PAK5: variants seen among roughly 807,000 people sequenced by gnomAD.
PAK5 encodes p21 (RAC1) activated kinase 5.
PAK5 carries 16 observed loss-of-function variants against 65.9 expected under a neutral mutation model. That is an observed-to-expected ratio of 0.24 (90% CI 0.16 to 0.37). The LOEUF (loss-of-function observed/expected upper bound fraction) is 0.37, where lower values mean the gene tolerates loss of function less well. Ranked by LOEUF, PAK5 falls within the 10% of genes least tolerant of loss-of-function variation. The pLI, the probability that PAK5 is intolerant of heterozygous loss-of-function variation, is 1.00. For synonymous variants in PAK5, 371 were observed against 354.9 expected, an observed-to-expected ratio of 1.05 and a Z score of -0.51; for missense variants, 785 against 903.9, an observed-to-expected ratio of 0.87 and a Z score of 1.69.
intron 7 of PAK5, among the ~76,000 whole-genome samples, chr20:9,545,883 A>C (rs1467499890): frequency 6.6e-6 from 1 of 151,740 alleles, no homozygotes; most frequent in Non-Finnish European, 1.5e-5. Flanking sequence ...ATCATCCTTG[A>C]CTCTTGTCTC....
chr20:9,734,551 T>C (rs866215512), intron 1 of PAK5, among the ~76,000 whole-genome samples: 8 of 58,294 alleles, frequency 1.4e-4, no homozygotes, highest in South Asian at 2.3e-3. Flanking sequence ...CACGCGCACA[T>C]GCACACACAC....
chr20:9,767,307 A>C (rs2048779674), intron 1 of PAK5, among the ~76,000 whole-genome samples: 1 of 152,230 alleles, frequency 6.6e-6, no homozygotes, highest in Admixed American at 6.5e-5. Flanking sequence ...ATCCTGGATC[A>C]AATAATCAAT....
At chr20:9,649,040 C>G (rs2123291600) in intron 2 of PAK5, among the ~76,000 whole-genome samples, 2 of 152,340 alleles carry the variant, frequency 1.3e-5, no homozygotes, top group African/African-American at 4.8e-5. Context: ...AGACCTAATT[C>G]ATGACAGCTG....
At chr20:9,778,495 C>G (rs2048908818) in intron 1 of PAK5, among the ~76,000 whole-genome samples, 1 of 152,192 alleles carries the variant, frequency 6.6e-6, no homozygotes, top group Non-Finnish European at 1.5e-5. Flanking sequence ...ACATTGGCCT[C>G]CCAAAGGACT....
At chr20:9,562,013 G>A (rs1018684360) in intron 6 of PAK5, among the ~76,000 whole-genome samples, 1 of 152,122 alleles carries the variant, frequency 6.6e-6, no homozygotes. Flanking sequence ...AAATTGAAGA[G>A]GCACTGTCCT....
intron 2 of PAK5, among the ~76,000 whole-genome samples, chr20:9,686,034 T>G (rs1387803067): frequency 6.6e-6 from 1 of 152,206 alleles, no homozygotes; most frequent in Non-Finnish European, 1.5e-5. Flanking sequence ...TTAAATAATT[T>G]TCTTAATGGG....
At chr20:9,625,761 C>T (rs551472544) in intron 3 of PAK5, among the ~76,000 whole-genome samples, 23 of 152,272 alleles carry the variant, frequency 1.5e-4, no homozygotes, top group African/African-American at 5.3e-4. Context: ...CATTCCTTCC[C>T]TGTGTTCTCC....
intron 1 of PAK5, among the ~76,000 whole-genome samples, chr20:9,716,932 A>G (rs576185189): frequency 6.6e-6 from 1 of 152,138 alleles, no homozygotes; most frequent in East Asian, 1.9e-4. Context: ...GAAAAATACA[A>G]AAATGAGCTG....
chr20:9,746,030 AT>A (rs2048503969), intron 1 of PAK5, among the ~76,000 whole-genome samples: 1 of 152,188 alleles, frequency 6.6e-6, no homozygotes, highest in South Asian at 2.1e-4. Context: ...AGAAAACCCA[AT>A]GTTAATAAAA....
rs547331378 is a variant in PAK5, at chr20:9,734,523, A to G, written c.-161-23088T>C. The stretch of plus-strand genomic sequence containing the variant: ...AGATACAAGAAGAAAGCAAGAGAGA[A>G]AAAGACTGATAGACACACACGCGCA... On this transcript the variant is annotated intron_variant, in intron 1 of 9. Coordinates refer to ENST00000353224, the MANE Select transcript of PAK5 (RefSeq NM_177990.4). 8.8e-4 allele frequency among the ~76,000 whole-genome samples: 133 copies of G among 150,996 alleles called. 1 individual carries two copies. The highest frequency in any genetic ancestry group is 2.9e-3 in the African/African-American group (119 of 41,130).
chr20:9,662,769 C>T (rs2047363578), intron 2 of PAK5, among the ~76,000 whole-genome samples: 1 of 152,102 alleles, frequency 6.6e-6, no homozygotes, highest in African/African-American at 2.4e-5. Context: ...CTCTAATATA[C>T]TTATCATTTT....
rs771036035 is a variant in PAK5 at position 9,542,691 on chromosome 20, C to A, written c.1899G>T (p.Val633=). Residue 633 remains valine (V), a synonymous_variant, in exon 9 of 10, where the codon GTG becomes GTT. Coordinates refer to ENST00000353224, the MANE Select transcript of PAK5 (RefSeq NM_177990.4). The part of the protein sequence containing the change: ...EVDIWSLGIM[V]IEMIDGEPPY... ...GGGGCTCGCCATCAATCATTTCTAT[C>A]ACCATGATCCCGAGGGACCAGATGT... is the stretch of plus-strand genomic sequence containing the variant. The A allele has an allele frequency of 6.2e-6, 10 of 1,614,014 alleles. No individual in the cohort carries two copies.
intron 3 of PAK5, among the ~76,000 whole-genome samples, chr20:9,597,158 C>G (rs2046284267): frequency 1.3e-5 from 2 of 152,210 alleles, no homozygotes; most frequent in Admixed American, 6.5e-5. Flanking sequence ...GAAGCCTTCA[C>G]CAAATCACTT....
chr20:9,665,083 C>CTATTTTTTTTT (rs1555910631), intron 2 of PAK5, among the ~76,000 whole-genome samples: 1 of 42,594 alleles, frequency 2.3e-5, no homozygotes, highest in Admixed American at 2.6e-4. Flanking sequence ...CTAAATTTTT[C>CTATTTTTTTTT]TGTTTTTTTT....
At chr20:9,590,744 A>G (rs931283426) in intron 3 of PAK5, among the ~76,000 whole-genome samples, 8 of 152,230 alleles carry the variant, frequency 5.3e-5, no homozygotes, top group Non-Finnish European at 8.8e-5. Flanking sequence ...AGAGGAGGAC[A>G]TGAAACACAG....
chr20:9,786,498 AG>A (rs1389128627), intron 1 of PAK5, among the ~76,000 whole-genome samples: 1 of 152,124 alleles, frequency 6.6e-6, no homozygotes, highest in African/African-American at 2.4e-5. Flanking sequence ...CACTCTTTTA[AG>A]AAAAAATTTA....
At chr20:9,651,169 C>T (rs1007394406) in intron 2 of PAK5, among the ~76,000 whole-genome samples, 2 of 152,172 alleles carry the variant, frequency 1.3e-5, no homozygotes, top group Non-Finnish European at 2.9e-5. Flanking sequence ...TCTTGGGCAA[C>T]TGGCTTTGCC....
intron 2 of PAK5, 78 bp from the exon 3 acceptor site, chr20:9,644,417 A>T (rs187450769): frequency 1.6e-4 from 138 of 868,840 alleles, no homozygotes; most frequent in Admixed American, 3.6e-4. Flanking sequence ...TTGTTAATTC[A>T]CTCAGGGCAA....
chr20:9,539,613 G>A lies in PAK5; in HGVS notation c.2009C>T (p.Ser670Phe). The change falls in exon 10 of 10, where the codon TCT becomes TTT. Residue 670 changes from serine to phenylalanine, a missense_variant. Around this residue, in one of 4 missense-constraint regions of PAK5, gnomAD observed 110 missense variants for 107.4 expected, o/e 1.02. Transcript: ENST00000353224. Reference sequence around the variant, plus strand: ...GTCTAGGAATCCCCGGAGCACTGAAGAAACCTGTGAAAACACACAGATACC... The same window carrying A: ...GTCTAGGAATCCCCGGAGCACTGAAAAAACCTGTGAAAACACACAGATACC... ...PPRVKDLHKV[S>F]SVLRGFLDLM... The A allele has an allele frequency of 6.2e-7, 1 of 1,612,968 alleles. No homozygotes were observed. The highest frequency in any genetic ancestry group is 8.5e-7 in the Non-Finnish European group (1 of 1,179,824).
Sources: gnomAD v4.1 joint callset for allele counts (sites outside exome capture counted in the v4.1 genomes callset) on GRCh38, gnomAD v4.1.1 for gene constraint, gnomAD v4.1.1 regional missense constraint, MANE v1.5 for transcripts, NCBI Gene and HGNC (gene_info 2026-07-23, HGNC 2026-07-21) for gene names.